Variants in AKT3 observed in about 807,000 individuals in gnomAD.
The protein encoded by AKT3 is RAC-gamma serine/threonine-protein kinase.
In AKT3, 15 loss-of-function variants were observed where a neutral mutation model predicts 65.3. That is an observed-to-expected ratio of 0.23 (90% CI 0.15 to 0.35). The LOEUF (loss-of-function observed/expected upper bound fraction) is 0.35. AKT3 is among the 10% of genes least tolerant of loss of function. AKT3 has a pLI of 1.00. For missense variants in AKT3, 243 were observed against 576.5 expected (o/e 0.42, Z 5.92); for synonymous variants, 206 against 183.8 (o/e 1.12, Z -0.98).
intron 2 of AKT3, among the ~76,000 whole-genome samples, chr1:243,819,968 G>C (rs553560489): frequency 6.6e-6 from 1 of 152,158 alleles, no homozygotes; most frequent in East Asian, 1.9e-4. Flanking sequence ...ACCCAGGCTG[G>C]AGTGCAGTGG....
intron 7 of AKT3, among the ~76,000 whole-genome samples, chr1:243,614,815 G>A (rs1297783117): frequency 6.6e-6 from 1 of 152,008 alleles, no homozygotes; most frequent in Non-Finnish European, 1.5e-5. Context: ...CAGAGGTAAT[G>A]TATTAACTCT....
intron 5 of AKT3, 94 bp from the exon 6 acceptor site, chr1:243,637,836 C>A (rs1680088375): frequency 1.3e-6 from 1 of 766,486 alleles, no homozygotes; most frequent in Non-Finnish European, 1.9e-6. Context: ...CACTCAAAAC[C>A]AAATTTTACC....
chr1:243,506,016 G>A lies in AKT3; in HGVS notation c.1355-682C>T, dbSNP rs1458819112. Among the ~76,000 whole-genome samples the A allele has an allele frequency of 3.3e-5, 5 of 152,244 alleles. No individual in the cohort carries two copies. In the East Asian group the frequency reaches 9.6e-4, roughly 29 times the overall value. On this transcript the variant is annotated intron_variant, in intron 13 of 13. Transcript: ENST00000673466. Reference sequence around the variant, plus strand: ...CTCCTGTCAGCTTTCCTGGTTTCCTGTATTTCAAAGATCACAGATGATCAG... The same window carrying A: ...CTCCTGTCAGCTTTCCTGGTTTCCTATATTTCAAAGATCACAGATGATCAG...
chr1:243,544,510 T>G (rs1672527340), intron 12 of AKT3, among the ~76,000 whole-genome samples: 1 of 151,860 alleles, frequency 6.6e-6, no homozygotes, highest in Non-Finnish European at 1.5e-5. Context: ...CCGAGCTACT[T>G]GGTAGGCTGA....
intron 2 of AKT3, among the ~76,000 whole-genome samples, chr1:243,712,025 C>T (rs1429203004): frequency 2.0e-5 from 3 of 152,136 alleles, no homozygotes; most frequent in Non-Finnish European, 1.5e-5. Flanking sequence ...CATTAATATC[C>T]TGACCACTGA....
intron 8 of AKT3, among the ~76,000 whole-genome samples, chr1:243,597,054 T>C (rs867537821): frequency 6.6e-6 from 1 of 152,192 alleles, no homozygotes; most frequent in African/African-American, 2.4e-5. Context: ...GGATGTACTA[T>C]GGGTACAGGG....
chr1:243,703,769 A>T (rs1430365114), intron 2 of AKT3, among the ~76,000 whole-genome samples: 1 of 146,264 alleles, frequency 6.8e-6, no homozygotes, highest in East Asian at 2.2e-4. Context: ...TCAAAAAAAA[A>T]AAAAAAAAAG....
At chr1:243,812,008 T>A (rs1227615604) in intron 2 of AKT3, among the ~76,000 whole-genome samples, 1 of 152,178 alleles carries the variant, frequency 6.6e-6, no homozygotes, top group African/African-American at 2.4e-5. Context: ...TTACATCTTA[T>A]ACAAAAATTA....
At chr1:243,835,820 G>A (rs1379557619) in intron 2 of AKT3, among the ~76,000 whole-genome samples, 1 of 151,904 alleles carries the variant, frequency 6.6e-6, no homozygotes, top group Non-Finnish European at 1.5e-5. Flanking sequence ...TATGAAGAGA[G>A]GTATTTTTTT....
chr1:243,568,593 C>T (rs1040339698), intron 9 of AKT3, among the ~76,000 whole-genome samples: 1 of 152,130 alleles, frequency 6.6e-6, no homozygotes, highest in African/African-American at 2.4e-5. Flanking sequence ...ATCTTTTTTC[C>T]TGTGCTTAGT....
Position 243,843,252 on chromosome 1 carries a change from T to C in AKT3, c.-82A>G. 2.6e-6 allele frequency: 4 copies of C among 1,550,552 alleles called. No individual in the cohort carries two copies. The highest frequency in any genetic ancestry group is 3.5e-6 in the Non-Finnish European group (4 of 1,143,398). The stretch of plus-strand genomic sequence containing the variant: ...TAGGGTTTGGATTCTCTGCTGCTGC[T>C]GCCCTTCCCACTCTCTAGTGATGAC... On this transcript the variant is annotated 5_prime_UTR_variant, in exon 2 of 14. Transcript: ENST00000673466.
At chr1:243,520,350 G>C (rs916477064) in intron 12 of AKT3, among the ~76,000 whole-genome samples, 1 of 152,106 alleles carries the variant, frequency 6.6e-6, no homozygotes, top group Non-Finnish European at 1.5e-5. Flanking sequence ...CCTTGATCTT[G>C]GACTTTCGCC....
At position 243,488,882 on chromosome 1, in the gene AKT3, G is replaced by A. The variant is rs527678213; in HGVS notation, c.*7-432C>T. On this transcript the variant is annotated intron_variant, in intron 13 of 13. Coordinates refer to the AKT3 transcript ENST00000336199. The stretch of plus-strand genomic sequence containing the variant: ...AGGACCTAGTGCCAGCCAGAGCCTG[G>A]CACCTCAGGGTCACCCTAGGCGTCC... 1.1e-4 allele frequency: 136 copies of A among 1,274,340 alleles called. No homozygotes were observed. The African/African-American group carries it at 1.7e-3, about 16-fold the overall frequency. The allele number at this position is 1,274,340 out of a possible 1,614,324, so 78.9% of individuals were successfully genotyped here.
intron 2 of AKT3, among the ~76,000 whole-genome samples, chr1:243,790,311 G>A (rs941323860): frequency 2.6e-5 from 4 of 152,252 alleles, no homozygotes; most frequent in African/African-American, 4.8e-5. Flanking sequence ...TGGATAAATT[G>A]TTGCAGCTTC....
chr1:243,552,523 T>A (rs1045539452), intron 11 of AKT3, among the ~76,000 whole-genome samples: 5 of 152,112 alleles, frequency 3.3e-5, no homozygotes, highest in Admixed American at 3.3e-4. Flanking sequence ...TTGGTAAATC[T>A]GCATAAAATT....
intron 2 of AKT3, among the ~76,000 whole-genome samples, chr1:243,738,978 G>A (rs989733252): frequency 1.3e-5 from 2 of 151,800 alleles, no homozygotes; most frequent in African/African-American, 2.4e-5. Flanking sequence ...TCTTTATAAC[G>A]AATTCACCAT....
intron 10 of AKT3, among the ~76,000 whole-genome samples, chr1:243,559,669 TA>T (rs1318598211): frequency 6.6e-6 from 1 of 152,064 alleles, no homozygotes; most frequent in Admixed American, 6.6e-5. Context: ...TAAAACAACG[TA>T]AAAGGCGAAG....
intron 2 of AKT3, among the ~76,000 whole-genome samples, chr1:243,785,867 T>C (rs1453652588): frequency 2.6e-5 from 4 of 152,208 alleles, no homozygotes; most frequent in Non-Finnish European, 5.9e-5. Flanking sequence ...ACTCCAGAAC[T>C]GCTTTTGTCC....
intron 2 of AKT3, among the ~76,000 whole-genome samples, chr1:243,767,840 G>A (rs1689929159): frequency 6.6e-6 from 1 of 151,830 alleles, no homozygotes; most frequent in Admixed American, 6.6e-5. Context: ...ATGTCTTATT[G>A]CCTACCAGGA....
Sources: gnomAD v4.1 joint callset for allele counts (sites outside exome capture counted in the v4.1 genomes callset) on GRCh38, gnomAD v4.1.1 for gene constraint, MANE v1.5 for transcripts, NCBI Gene and HGNC (gene_info 2026-07-23, HGNC 2026-07-21) for gene names.